GOLM2: variants seen among roughly 807,000 people sequenced by gnomAD.
GOLM2 encodes the protein protein GOLM2.
A neutral mutation model predicts 55.9 loss-of-function variants in GOLM2; 26 were observed. The ratio of observed to expected loss-of-function variants is 0.47; its 90% CI spans 0.34 to 0.65. The LOEUF (loss-of-function observed/expected upper bound fraction) is 0.65. Ranked by LOEUF, GOLM2 falls within the 30% of genes least tolerant of loss-of-function variation. The pLI is 0.01. For synonymous variants in GOLM2, 165 were observed against 194.6 expected (o/e 0.85, Z 1.27); for missense variants, 486 against 531.8 (o/e 0.91, Z 0.85).
At chr15:44,305,843 C>T (rs2078833320) in intron 1 of GOLM2, among the ~76,000 whole-genome samples, 1 of 152,158 alleles carries the variant, frequency 6.6e-6, no homozygotes, top group South Asian at 2.1e-4. Context: ...GGGACATTGT[C>T]AGTGAGCACT....
At chr15:44,307,303 C>T (rs970720457) in intron 1 of GOLM2, 1 of 151,880 alleles carries the variant, frequency 6.6e-6, no homozygotes, top group Non-Finnish European at 1.5e-5. Flanking sequence ...AGCTCTGCCT[C>T]CCAGGTTCAC....
intron 1 of GOLM2, among the ~76,000 whole-genome samples, chr15:44,293,629 G>A (rs181932467): frequency 3.9e-4 from 60 of 152,254 alleles, no homozygotes; most frequent in African/African-American, 1.4e-3. Context: ...GGAGTTGTGG[G>A]TTTTCGGACA....
chr15:44,398,604 T>C (rs1246046633), intron 8 of GOLM2, among the ~76,000 whole-genome samples: 2 of 152,042 alleles, frequency 1.3e-5, no homozygotes, highest in African/African-American at 2.4e-5. Flanking sequence ...TATAGGAGAT[T>C]CTATATACTT....
At chr15:44,303,102 CAATAAATA>C (rs71111853) in intron 1 of GOLM2, among the ~76,000 whole-genome samples, 5,548 of 146,976 alleles carry the variant, frequency 0.038, 139 homozygotes, top group East Asian at 0.11. Context: ...TACTCCATCT[CAATAAATA>C]AATAAATAAA....
intron 6 of GOLM2, among the ~76,000 whole-genome samples, chr15:44,356,566 A>T (rs2079199564): frequency 6.6e-6 from 1 of 152,208 alleles, no homozygotes; most frequent in Non-Finnish European, 1.5e-5. Context: ...AAATAAATTG[A>T]ATCAATAATA....
chr15:44,407,515 A>G (rs1467438576), intron 9 of GOLM2, among the ~76,000 whole-genome samples: 1 of 151,620 alleles, frequency 6.6e-6, no homozygotes, highest in South Asian at 2.1e-4. Context: ...GACTCAAGCA[A>G]TCAGGCCACC....
chr15:44,337,746 C>A lies in GOLM2; in HGVS notation c.577-17C>A. Reference sequence around the variant, plus strand: ...AATTTGAACTGAAAAATATTATTACCAAATTTTGTCTAACAGCAAGAGACC... The same window carrying A: ...AATTTGAACTGAAAAATATTATTACAAAATTTTGTCTAACAGCAAGAGACC... On this transcript the variant is annotated splice_polypyrimidine_tract_variant and intron_variant, in intron 4 of 9. Transcript: ENST00000299957. 3 of 1,542,368 alleles carry A rather than the reference C, an allele frequency of 1.9e-6. No individual in the cohort carries two copies. The highest frequency in any genetic ancestry group is 2.6e-6 in the Non-Finnish European group (3 of 1,153,098).
At chr15:44,410,903 C>CA (rs35934853) in intron 9 of GOLM2, among the ~76,000 whole-genome samples, 16,315 of 56,206 alleles carry the variant, frequency 0.29, 2,424 homozygotes, top group Middle Eastern at 0.49. Flanking sequence ...GACCCTGTAT[C>CA]AAAAAAAAAA....
At chr15:44,375,164 G>A (rs1383667314) in intron 6 of GOLM2, among the ~76,000 whole-genome samples, 1 of 151,970 alleles carries the variant, frequency 6.6e-6, no homozygotes, top group African/African-American at 2.4e-5. Flanking sequence ...GGGATTACAG[G>A]CACACACCAT....
intron 6 of GOLM2, among the ~76,000 whole-genome samples, chr15:44,341,022 T>C (rs1011524838): frequency 2.0e-5 from 3 of 152,104 alleles, no homozygotes; most frequent in Admixed American, 1.3e-4. Flanking sequence ...AATGTATTAT[T>C]TGTGTTTAAA....
chr15:44,412,874 G>A (rs1487534651), intron 9 of GOLM2, among the ~76,000 whole-genome samples: 1 of 151,920 alleles, frequency 6.6e-6, no homozygotes, highest in Non-Finnish European at 1.5e-5. Context: ...ATGGTGACAG[G>A]TGCCTGTAGT....
intron 6 of GOLM2, among the ~76,000 whole-genome samples, chr15:44,361,981 C>T (rs1034501781): frequency 4.6e-5 from 7 of 152,140 alleles, no homozygotes; most frequent in African/African-American, 1.4e-4. Context: ...AGGCCTTTGA[C>T]AAAATTCAAC....
rs1380810649 is a variant in GOLM2 at position 44,409,401 on chromosome 15, A to C, written c.1241-3935A>C. The C allele has an allele frequency of 2.1e-5, 3 of 146,332 alleles. No individual in the cohort carries two copies. In the East Asian group the frequency reaches 6.1e-4, roughly 30 times the overall value. 9.1% of individuals were successfully genotyped at this position (146,332 alleles called of 1,614,324 possible). On this transcript the variant is annotated intron_variant, in intron 9 of 9. Transcript: ENST00000299957. ...CAGGAGTTCGAGACCAGTCTGGCCA[A>C]CATGGGGAAAACCTGTTTCTACTAA...
chr15:44,403,061 G>A lies in GOLM2; in HGVS notation c.1240+7G>A, dbSNP rs1555426752. The A allele has an allele frequency of 6.2e-6, 10 of 1,613,990 alleles. No homozygotes were observed. The highest frequency in any genetic ancestry group is 2.2e-5 in the East Asian group (1 of 44,874). On this transcript the variant is annotated splice_region_variant and intron_variant, in intron 9 of 9. Transcript: ENST00000299957. ...GGAGAGGAAGACGTCCAAGGTGAGCGTGGGCCTGGCCTCCATGCTATAACC... is the reference window on the plus strand; with the variant it reads ...GGAGAGGAAGACGTCCAAGGTGAGCATGGGCCTGGCCTCCATGCTATAACC...
chr15:44,381,801 T>G (rs2079404913), intron 8 of GOLM2, among the ~76,000 whole-genome samples: 1 of 152,104 alleles, frequency 6.6e-6, no homozygotes, highest in Non-Finnish European at 1.5e-5. Context: ...CAAGGTATTT[T>G]ATTTTATTTC....
At chr15:44,386,653 A>G (rs1193350418) in intron 8 of GOLM2, among the ~76,000 whole-genome samples, 1 of 152,128 alleles carries the variant, frequency 6.6e-6, no homozygotes, top group Non-Finnish European at 1.5e-5. Flanking sequence ...GGAGGATCAC[A>G]TGAGGCCAGG....
At chr15:44,411,462 A>G (rs989283014) in intron 9 of GOLM2, among the ~76,000 whole-genome samples, 2 of 152,224 alleles carry the variant, frequency 1.3e-5, no homozygotes, top group Non-Finnish European at 2.9e-5. Flanking sequence ...AACAAAAATT[A>G]AGCTATTGGG....
At chr15:44,329,325 A>AT (rs1010877875) in intron 3 of GOLM2, among the ~76,000 whole-genome samples, 2 of 152,178 alleles carry the variant, frequency 1.3e-5, no homozygotes, top group African/African-American at 4.8e-5. Context: ...GGTAAAAGAT[A>AT]TTTTTTAGAT....
At chr15:44,307,410 C>T (rs1172128800) in intron 1 of GOLM2, 1 of 152,178 alleles carries the variant, frequency 6.6e-6, no homozygotes, top group African/African-American at 2.4e-5. Context: ...GATGGGGTTT[C>T]ACAGTGTTAG....
Sources: gnomAD v4.1 joint callset for allele counts (sites outside exome capture counted in the v4.1 genomes callset) on GRCh38, gnomAD v4.1.1 for gene constraint, MANE v1.5 for transcripts, NCBI Gene and HGNC (gene_info 2026-07-23, HGNC 2026-07-21) for gene names.